Variants in CDH26 observed in about 807,000 individuals in gnomAD.
CDH26 encodes cadherin 26.
CDH26 carries 83 observed loss-of-function variants against 90.3 expected under a neutral mutation model. The observed-to-expected ratio is 0.92, with a 90% confidence interval of 0.77 to 1.10. CDH26 has a LOEUF of 1.10. Ranked by LOEUF, CDH26 falls within the 50% of genes least tolerant of loss-of-function variation. The pLI is 0.00. For synonymous variants in CDH26, 397 were observed against 396.3 expected, an observed-to-expected ratio of 1.00 and a Z score of -0.02; for missense variants, 1,013 against 1,037.6, an observed-to-expected ratio of 0.98 and a Z score of 0.33.
At chr20:59,960,313 T>A (rs896615993) in intron 1 of CDH26, among the ~76,000 whole-genome samples, 1 of 152,160 alleles carries the variant, frequency 6.6e-6, no homozygotes, top group African/African-American at 2.4e-5. Context: ...AGCCAGTGGT[T>A]GTACCAGTGA....
At chr20:60,016,049 T>C (rs1240764605), downstream of CDH26, among the ~76,000 whole-genome samples, 1 of 152,246 alleles carries the variant, frequency 6.6e-6, no homozygotes, top group Non-Finnish European at 1.5e-5. Flanking sequence ...TGAAGTCTGA[T>C]AGTGTGATCC....
chr20:60,007,976 G>A (rs1401776455), intron 17 of CDH26, among the ~76,000 whole-genome samples: 13 of 152,196 alleles, frequency 8.5e-5, no homozygotes, highest in Non-Finnish European at 1.5e-4. Context: ...AAAGCAGCTT[G>A]GGAGCTGGGC....
intron 7 of CDH26, among the ~76,000 whole-genome samples, chr20:60,019,754 C>T (rs2061936568): frequency 1.3e-5 from 2 of 152,242 alleles, no homozygotes; most frequent in South Asian, 2.1e-4. Flanking sequence ...TTGGAGGTGT[C>T]ATGTTTCCTT....
intron 1 of CDH26, among the ~76,000 whole-genome samples, chr20:59,960,726 C>G (rs2061058916): frequency 1.3e-5 from 2 of 152,316 alleles, no homozygotes; most frequent in Admixed American, 6.5e-5. Flanking sequence ...CTCCCTGACT[C>G]TGCACATCGT....
intron 1 of CDH26, among the ~76,000 whole-genome samples, chr20:59,967,318 CTATT>C (rs1052332030): frequency 1.3e-5 from 2 of 152,144 alleles, no homozygotes; most frequent in Non-Finnish European, 2.9e-5. Flanking sequence ...ATGTCATTCT[CTATT>C]TCTTTCTGTA....
downstream of CDH26, among the ~76,000 whole-genome samples, chr20:60,035,159 G>T (rs1156809220): frequency 6.6e-6 from 1 of 152,192 alleles, no homozygotes; most frequent in Non-Finnish European, 1.5e-5. Flanking sequence ...GTCATTGTTT[G>T]TACGACTGTG....
At chr20:59,959,429 A>G (rs1180065586) in intron 1 of CDH26, among the ~76,000 whole-genome samples, 2 of 148,674 alleles carry the variant, frequency 1.3e-5, no homozygotes, top group African/African-American at 5.0e-5. Flanking sequence ...TTTTTTTGAG[A>G]CAGGGTCTCG....
chr20:60,028,477 A>T (rs986696980), intron 7 of CDH26, among the ~76,000 whole-genome samples: 20 of 152,232 alleles, frequency 1.3e-4, no homozygotes, highest in African/African-American at 4.3e-4. Context: ...CAATCCAAAT[A>T]AAAAAGCATT....
At chr20:59,967,853 CTT>C (rs1294962537) in intron 1 of CDH26, among the ~76,000 whole-genome samples, 3 of 100,202 alleles carry the variant, frequency 3.0e-5, no homozygotes, top group South Asian at 3.5e-4. Context: ...TTCTTTCTTT[CTT>C]TCTTTCTTTC....
Position 60,031,568 on chromosome 20 carries a change from T to A in CDH26, c.1143+142T>A. ...TAAAAACATCCTCAGTTTCTTCAGA[T>A]GAAAGGAGTATGATCTTCACAGAAT... On this transcript the variant is annotated intron_variant, in intron 8 of 8. Coordinates refer to the CDH26 transcript ENST00000370991. The A allele has an allele frequency of 4.2e-6, 4 of 947,974 alleles. No homozygotes were observed. In the South Asian group the frequency reaches 8.4e-5, roughly 20 times the overall value. The allele number at this position is 947,974 out of a possible 1,614,324, so 58.7% of individuals were successfully genotyped here.
At chr20:60,028,018 G>A (rs1220920764) in intron 7 of CDH26, among the ~76,000 whole-genome samples, 1 of 152,162 alleles carries the variant, frequency 6.6e-6, no homozygotes, top group African/African-American at 2.4e-5. Context: ...ATATTGAAAT[G>A]CTCCACCTAC....
intron 1 of CDH26, among the ~76,000 whole-genome samples, chr20:59,964,716 C>T (rs2061124336): frequency 6.6e-6 from 1 of 152,170 alleles, no homozygotes; most frequent in South Asian, 2.1e-4. Flanking sequence ...TATAAACATC[C>T]ACCATTTCAA....
chr20:60,031,092 A>C (rs2062036579), intron 7 of CDH26: 1 of 942,782 alleles, frequency 1.1e-6, no homozygotes, highest in Non-Finnish European at 1.3e-6. Context: ...TTTTTAGGCC[A>C]TGTAGGATAA....
chr20:59,993,598 C>A (rs1208314800), intron 10 of CDH26, among the ~76,000 whole-genome samples: 1 of 152,178 alleles, frequency 6.6e-6, no homozygotes, highest in East Asian at 1.9e-4. Flanking sequence ...TGATTTCATT[C>A]TTTTTTATGG....
At chr20:60,014,583 T>A (rs1224054411), downstream of CDH26, 1 of 152,214 alleles carries the variant, frequency 6.6e-6, no homozygotes, top group Non-Finnish European at 1.5e-5. Flanking sequence ...TTATTTCTCT[T>A]AACATAATGT....
chr20:59,997,498 G>T (rs553543073), intron 13 of CDH26, among the ~76,000 whole-genome samples: 2 of 152,270 alleles, frequency 1.3e-5, no homozygotes, highest in African/African-American at 2.4e-5. Context: ...GCCATATAAA[G>T]TAATTGGCCA....
intron 13 of CDH26, among the ~76,000 whole-genome samples, chr20:59,997,846 C>A (rs993593549): frequency 3.3e-5 from 5 of 152,226 alleles, no homozygotes; most frequent in Non-Finnish European, 5.9e-5. Flanking sequence ...GAGAGTTTCT[C>A]AAAAATATTT....
At chr20:60,024,831 T>G (rs770647982) in intron 7 of CDH26, among the ~76,000 whole-genome samples, 3 of 152,206 alleles carry the variant, frequency 2.0e-5, no homozygotes, top group Non-Finnish European at 4.4e-5. Flanking sequence ...AAATGTACAA[T>G]GCATTTCTCA....
chr20:60,002,040 T>A (rs1249121100), intron 15 of CDH26, among the ~76,000 whole-genome samples: 3 of 152,180 alleles, frequency 2.0e-5, no homozygotes, highest in African/African-American at 2.4e-5. Context: ...TATTTGGACC[T>A]CACCAGTTTA....
Sources: allele counts gnomAD v4.1 joint callset (sites outside exome capture counted in the v4.1 genomes callset), GRCh38; gene constraint gnomAD v4.1.1; transcripts MANE v1.5; gene names NCBI Gene and HGNC (gene_info 2026-07-23, HGNC 2026-07-21).